Variants in HDAC9 observed in about 807,000 individuals in gnomAD.
The protein encoded by HDAC9 is histone deacetylase 9.
In HDAC9, 41 loss-of-function variants were observed where a neutral mutation model predicts 139.4. The observed-to-expected ratio is 0.29, with a 90% CI of 0.23 to 0.38. The LOEUF is 0.38. HDAC9 is among the 10% of genes least tolerant of loss of function. The pLI, the probability that HDAC9 is intolerant of heterozygous loss-of-function variation, is 1.00. For synonymous variants in HDAC9, 517 were observed against 476.2 expected (o/e 1.09, Z -1.12); for missense variants, 1,147 against 1,297.0 (o/e 0.88, Z 1.78).
chr7:18,131,801 A>G (rs958598809), intron 1 of HDAC9, among the ~76,000 whole-genome samples: 1 of 152,182 alleles, frequency 6.6e-6, no homozygotes, highest in African/African-American at 2.4e-5. Flanking sequence ...AGATCTAGTC[A>G]GGCAGTCATG....
intron 2 of HDAC9, among the ~76,000 whole-genome samples, chr7:18,235,565 A>G (rs1488712014): frequency 1.3e-5 from 2 of 152,184 alleles, no homozygotes; most frequent in African/African-American, 4.8e-5. Context: ...AAAAATATTT[A>G]TATGTATCCA....
At chr7:18,938,324 G>A (rs1006854443) in intron 23 of HDAC9, among the ~76,000 whole-genome samples, 2 of 151,754 alleles carry the variant, frequency 1.3e-5, no homozygotes, top group East Asian at 1.9e-4. Context: ...GGCCGGGCGC[G>A]GTGTCTCACG....
intron 16 of HDAC9, among the ~76,000 whole-genome samples, chr7:18,768,156 A>G (rs1306615561): frequency 1.3e-5 from 2 of 152,182 alleles, no homozygotes; most frequent in African/African-American, 4.8e-5. Context: ...AACAAGTTCC[A>G]AAACAACCTT....
At chr7:18,369,795 C>T (rs1784457972) in intron 1 of HDAC9, among the ~76,000 whole-genome samples, 1 of 152,036 alleles carries the variant, frequency 6.6e-6, no homozygotes, top group South Asian at 2.1e-4. Context: ...GAGGTGTGCG[C>T]TCACTGTGTC....
At chr7:18,756,767 G>A (rs538361757) in intron 14 of HDAC9, among the ~76,000 whole-genome samples, 1 of 152,268 alleles carries the variant, frequency 6.6e-6, no homozygotes, top group Middle Eastern at 3.4e-3. Flanking sequence ...CAGAAGTCAA[G>A]GCTCCCAACT....
At chr7:18,390,894 T>C (rs1786410388) in intron 1 of HDAC9, among the ~76,000 whole-genome samples, 1 of 151,978 alleles carries the variant, frequency 6.6e-6, no homozygotes, top group Non-Finnish European at 1.5e-5. Flanking sequence ...TTCAAGACCA[T>C]CCTGGCTAAC....
chr7:18,120,431 A>C lies in HDAC9; in HGVS notation c.-97+33218A>C, dbSNP rs551310470. 2.0e-5 allele frequency among the ~76,000 whole-genome samples: 3 copies of C among 152,228 alleles called. No homozygotes were observed. In the East Asian group the frequency reaches 5.8e-4, roughly 29 times the overall value. On this transcript the variant is annotated intron_variant, in intron 1 of 12. Transcript: ENST00000417496. ...TCTTCAATGTCAAGCCATTCATTAG[A>C]GACGGAGCCAGCATTCCATTCCAGT... is the stretch of plus-strand genomic sequence containing the variant.
At chr7:18,474,407 G>A (rs76373898) in intron 1 of HDAC9, among the ~76,000 whole-genome samples, 7 of 152,126 alleles carry the variant, frequency 4.6e-5, no homozygotes, top group Admixed American at 6.5e-5. Flanking sequence ...TTTCCTGCTC[G>A]ACTCTAGCCA....
At chr7:18,977,466 A>C (rs1477752221) in intron 25 of HDAC9, among the ~76,000 whole-genome samples, 1 of 152,236 alleles carries the variant, frequency 6.6e-6, no homozygotes, top group Non-Finnish European at 1.5e-5. Context: ...AGCTTAGAAT[A>C]ATTAACAATA....
At chr7:18,928,691 A>G (rs1007259185) in intron 22 of HDAC9, among the ~76,000 whole-genome samples, 1 of 152,200 alleles carries the variant, frequency 6.6e-6, no homozygotes, top group Non-Finnish European at 1.5e-5. Flanking sequence ...TGTATTTTTA[A>G]AAAACCAGAA....
intron 17 of HDAC9, among the ~76,000 whole-genome samples, chr7:18,810,071 C>T (rs768371115): frequency 2.0e-5 from 3 of 151,870 alleles, no homozygotes; most frequent in Non-Finnish European, 4.4e-5. Context: ...TTTTCAACAA[C>T]GTGGATGTTC....
At chr7:18,960,567 GTAAAA>G (rs1051025816) in intron 24 of HDAC9, among the ~76,000 whole-genome samples, 3 of 151,876 alleles carry the variant, frequency 2.0e-5, no homozygotes, top group African/African-American at 7.3e-5. Context: ...TAACTCATAG[GTAAAA>G]TAAAATACTA....
At chr7:18,842,639 C>G (rs1796658934) in intron 21 of HDAC9, among the ~76,000 whole-genome samples, 1 of 152,074 alleles carries the variant, frequency 6.6e-6, no homozygotes, top group Non-Finnish European at 1.5e-5. Flanking sequence ...AAGCTGTCAG[C>G]TCTATCTGCT....
chr7:18,315,063 G>T (rs1799550356), intron 1 of HDAC9, among the ~76,000 whole-genome samples: 1 of 152,154 alleles, frequency 6.6e-6, no homozygotes, highest in African/African-American at 2.4e-5. Flanking sequence ...TGATCTGATT[G>T]TAGGTATTAG....
intron 1 of HDAC9, among the ~76,000 whole-genome samples, chr7:18,132,601 G>C (rs1785085210): frequency 6.6e-6 from 1 of 151,966 alleles, no homozygotes; most frequent in Admixed American, 6.6e-5. Context: ...CCTCCTTTTT[G>C]TGGGATCCAA....
Position 18,590,306 on chromosome 7 carries a change from C to T in HDAC9, c.265-30C>T, listed in dbSNP as rs376218825. On this transcript the variant is annotated intron_variant, in intron 3 of 25. Transcript: ENST00000686413. ...ATGACTATGAAGCCTAAAGAAATTG[C>T]ACACTCTCATGTCTTTCTCTTCTCG... 4 of 1,608,194 alleles carry T rather than the reference C, an allele frequency of 2.5e-6. No homozygotes were observed. The African/African-American group carries it at 5.4e-5, about 22-fold the overall frequency.
chr7:18,593,009 A>G (rs957543893), intron 5 of HDAC9, among the ~76,000 whole-genome samples: 3 of 152,090 alleles, frequency 2.0e-5, no homozygotes, highest in African/African-American at 7.2e-5. Context: ...ACTTAGCAGT[A>G]TTTACCTTGT....
chr7:18,797,782 T>C (rs542577640), intron 17 of HDAC9, among the ~76,000 whole-genome samples: 95 of 152,144 alleles, frequency 6.2e-4, no homozygotes, highest in African/African-American at 2.2e-3. Context: ...TGAGCCGAGA[T>C]TGCACTGCTG....
chr7:18,780,100 C>G (rs902311490), intron 16 of HDAC9, among the ~76,000 whole-genome samples: 1 of 152,006 alleles, frequency 6.6e-6, no homozygotes, highest in African/African-American at 2.4e-5. Flanking sequence ...TTTCTCATAG[C>G]ACTCAGGGAT....
Sources: allele counts gnomAD v4.1 joint callset (sites outside exome capture counted in the v4.1 genomes callset), GRCh38; gene constraint gnomAD v4.1.1; transcripts MANE v1.5; gene names NCBI Gene and HGNC (gene_info 2026-07-23, HGNC 2026-07-21).